Variants in PPP2R5E observed in about 807,000 individuals in gnomAD.
PPP2R5E encodes the protein serine/threonine-protein phosphatase 2A 56 kDa regulatory subunit epsilon isoform.
In PPP2R5E, 4 loss-of-function variants were observed where a neutral mutation model predicts 65.3. The observed-to-expected ratio is 0.06, with a 90% CI of 0.03 to 0.14. The LOEUF (loss-of-function observed/expected upper bound fraction) is 0.14, where lower values mean the gene tolerates loss of function less well. Ranked by LOEUF, PPP2R5E falls within the 10% of genes least tolerant of loss-of-function variation. The pLI, the probability that PPP2R5E is intolerant of heterozygous loss-of-function variation, is 1.00. For synonymous variants in PPP2R5E, 183 were observed against 187.4 expected, an observed-to-expected ratio of 0.98 and a Z score of 0.19; for missense variants, 274 against 556.1, an observed-to-expected ratio of 0.49 and a Z score of 5.10.
chr14:63,434,265 A>G (rs1330618723), intron 3 of PPP2R5E, among the ~76,000 whole-genome samples: 2 of 152,248 alleles, frequency 1.3e-5, no homozygotes, highest in African/African-American at 4.8e-5. Flanking sequence ...CAAACAAAAA[A>G]TGGCAGATAC....
chr14:63,491,315 C>T (rs1891273909), intron 2 of PPP2R5E, among the ~76,000 whole-genome samples: 1 of 151,872 alleles, frequency 6.6e-6, no homozygotes, highest in Non-Finnish European at 1.5e-5. Context: ...GAAACCAAAC[C>T]TCAGCATAGA....
chr14:63,386,536 A>G (rs1473636017), intron 11 of PPP2R5E, among the ~76,000 whole-genome samples: 3 of 152,192 alleles, frequency 2.0e-5, no homozygotes, highest in African/African-American at 7.2e-5. Flanking sequence ...CAGATGCTAT[A>G]TCAGATATAT....
At chr14:63,446,421 A>G (rs1888478165) in intron 3 of PPP2R5E, among the ~76,000 whole-genome samples, 1 of 152,218 alleles carries the variant, frequency 6.6e-6, no homozygotes, top group East Asian at 1.9e-4. Flanking sequence ...CAGAGGAATT[A>G]CTATCTATGG....
chr14:63,388,492 C>T (rs555021029), intron 11 of PPP2R5E, among the ~76,000 whole-genome samples: 72 of 152,190 alleles, frequency 4.7e-4, no homozygotes, highest in African/African-American at 1.7e-3. Flanking sequence ...TAATGCCAAA[C>T]ATCCTGCTGA....
rs531464032 is a variant in PPP2R5E, at chr14:63,431,641, CA to C, written c.355-9548del. Among the ~76,000 whole-genome samples the C allele has an allele frequency of 5.6e-3, 859 of 152,262 alleles. 2 individuals are homozygous for C. The highest frequency in any genetic ancestry group is 9.6e-3 in the Non-Finnish European group (653 of 68,032). ...TTTATCATAAAACTGCATTTGCGGACAAAGCTCTATACTTTTGTGAAGACAT... is the reference window on the plus strand; with the variant it reads ...TTTATCATAAAACTGCATTTGCGGACAAGCTCTATACTTTTGTGAAGACAT... On this transcript the variant is annotated intron_variant, in intron 3 of 13. Coordinates refer to ENST00000337537, the MANE Select transcript of PPP2R5E (RefSeq NM_006246.5).
intron 3 of PPP2R5E, chr14:63,451,414 T>A (rs573955128): frequency 6.6e-6 from 1 of 152,344 alleles, no homozygotes; most frequent in African/African-American, 2.4e-5. Context: ...TGAAAAGACA[T>A]GAAGGAAACT....
At chr14:63,481,495 CA>C (rs59764365) in intron 2 of PPP2R5E, among the ~76,000 whole-genome samples, 2,048 of 92,696 alleles carry the variant, frequency 0.022, 12 homozygotes, top group African/African-American at 0.046. Flanking sequence ...GACTCCATCT[CA>C]AAAAAAAAAA....
intron 2 of PPP2R5E, among the ~76,000 whole-genome samples, chr14:63,522,285 G>A (rs113508355): frequency 4.6e-5 from 7 of 151,950 alleles, no homozygotes; most frequent in Admixed American, 6.6e-5. Context: ...GCGTGATCTC[G>A]GCTCGCTACA....
intron 5 of PPP2R5E, among the ~76,000 whole-genome samples, chr14:63,404,869 G>A (rs7149633): frequency 0.093 from 14,143 of 152,242 alleles, 2,109 homozygotes; most frequent in African/African-American, 0.31. Flanking sequence ...TCAAGAAAGA[G>A]CTATTGTGCT....
At chr14:63,527,062 G>T (rs987137441) in intron 2 of PPP2R5E, among the ~76,000 whole-genome samples, 3 of 152,150 alleles carry the variant, frequency 2.0e-5, no homozygotes, top group African/African-American at 7.2e-5. Flanking sequence ...CCAGCTACTC[G>T]GGAGGCTGAG....
At chr14:63,440,783 C>CAAAAAAAAAAAAAAAAA (rs763718989) in intron 3 of PPP2R5E, among the ~76,000 whole-genome samples, 4 of 108,788 alleles carry the variant, frequency 3.7e-5, no homozygotes, top group East Asian at 2.6e-4. Flanking sequence ...CTAAAAAATA[C>CAAAAAAAAAAAAAAAAA]AAAAAAAAAA....
intron 3 of PPP2R5E, among the ~76,000 whole-genome samples, chr14:63,445,103 T>C (rs1308304371): frequency 6.6e-6 from 1 of 152,216 alleles, no homozygotes; most frequent in Non-Finnish European, 1.5e-5. Context: ...GAGAGAAAAC[T>C]ACTTACCCAA....
intron 2 of PPP2R5E, among the ~76,000 whole-genome samples, chr14:63,460,824 G>T (rs910449989): frequency 6.6e-6 from 1 of 152,020 alleles, no homozygotes; most frequent in East Asian, 1.9e-4. Context: ...CATGATTCAG[G>T]GCTTTCGTGT....
At chr14:63,412,014 T>C (rs1012107325) in intron 5 of PPP2R5E, among the ~76,000 whole-genome samples, 1 of 152,170 alleles carries the variant, frequency 6.6e-6, no homozygotes, top group African/African-American at 2.4e-5. Context: ...TTTTAATCAA[T>C]GACTTAGATG....
intron 2 of PPP2R5E, among the ~76,000 whole-genome samples, chr14:63,537,617 T>C (rs1390739950): frequency 6.6e-6 from 1 of 152,174 alleles, no homozygotes. Context: ...ATGGAAAAAA[T>C]AGAAGCTTGA....
At chr14:63,378,197 C>T (rs899117439) in intron 13 of PPP2R5E, among the ~76,000 whole-genome samples, 6 of 152,170 alleles carry the variant, frequency 3.9e-5, no homozygotes, top group African/African-American at 1.4e-4. Context: ...ATGAATATGA[C>T]CTTTTTATTT....
chr14:63,448,047 C>T (rs1301280496), intron 3 of PPP2R5E, among the ~76,000 whole-genome samples: 1 of 152,184 alleles, frequency 6.6e-6, no homozygotes, highest in Non-Finnish European at 1.5e-5. Flanking sequence ...CCTGTAATCC[C>T]AGCACTTTGG....
At chr14:63,412,948 T>C (rs923022828) in intron 5 of PPP2R5E, among the ~76,000 whole-genome samples, 2 of 152,156 alleles carry the variant, frequency 1.3e-5, no homozygotes, top group African/African-American at 2.4e-5. Flanking sequence ...GCTACAGATA[T>C]ACTAAGAAAT....
intron 2 of PPP2R5E, among the ~76,000 whole-genome samples, chr14:63,469,672 C>G (rs112644603): frequency 0.022 from 3,361 of 152,238 alleles, 73 homozygotes; most frequent in African/African-American, 0.06. Flanking sequence ...CCAGCCTGGG[C>G]GACAGAGCAA....
Sources: allele counts gnomAD v4.1 joint callset (sites outside exome capture counted in the v4.1 genomes callset), GRCh38; gene constraint gnomAD v4.1.1; transcripts MANE v1.5; gene names NCBI Gene and HGNC (gene_info 2026-07-23, HGNC 2026-07-21).